The following KITLG variants were observed in gnomAD, a reference collection of about 807,000 sequenced individuals.
The protein encoded by KITLG is c-Kit ligand.
A neutral mutation model predicts 34.1 loss-of-function variants in KITLG; 13 were observed. The observed-to-expected ratio is 0.38, with a 90% CI of 0.25 to 0.61. The LOEUF (loss-of-function observed/expected upper bound fraction) is 0.61. Among genes scored for constraint, KITLG ranks in the 20% least tolerant of loss-of-function variants. The pLI is 0.60. For missense variants in KITLG, 292 were observed against 318.9 expected (o/e 0.92, Z 0.64); for synonymous variants, 110 against 104.0 (o/e 1.06, Z -0.35).
intron 1 of KITLG, among the ~76,000 whole-genome samples, chr12:88,562,778 C>T (rs545087174): frequency 1.3e-4 from 20 of 152,188 alleles, no homozygotes; most frequent in Non-Finnish European, 2.6e-4. Flanking sequence ...GCAGGGACAA[C>T]GTAAATAGAC....
At chr12:88,533,773 A>G (rs752451644) in intron 2 of KITLG, among the ~76,000 whole-genome samples, 2 of 152,106 alleles carry the variant, frequency 1.3e-5, no homozygotes, top group Non-Finnish European at 2.9e-5. Flanking sequence ...AGTTTACCAT[A>G]ACATTTTCTG....
chr12:88,555,095 G>A (rs7312974), intron 1 of KITLG, among the ~76,000 whole-genome samples: 100,645 of 151,998 alleles, frequency 0.66, 36,906 homozygotes, highest in Middle Eastern at 0.86. Context: ...CTAGAAAGAA[G>A]TTGCTTAATA....
chr12:88,534,843 A>G (rs1870250090), intron 2 of KITLG: 1 of 355,260 alleles, frequency 2.8e-6, no homozygotes. Flanking sequence ...TTGAAAGGAA[A>G]AAGCGTCTAG....
Position 88,493,674 on chromosome 12 carries a change from G to A in KITLG, c.*3545C>T, listed in dbSNP as rs1052788788. 19 of 151,900 alleles carry A rather than the reference G, an allele frequency of 1.3e-4. No homozygotes were observed. The highest frequency in any genetic ancestry group is 4.3e-4 in the African/African-American group (18 of 41,510). The allele number at this position is 151,900 out of a possible 1,614,324, so 9.4% of individuals were successfully genotyped here. A position where few individuals can be genotyped will look rare whatever the true frequency, so the allele number is the denominator to read the frequency against. ...ATCTTTTGGCATTCAAAACCTTCAT[G>A]AGCATTTTACATTTTCTGCTCTTAG... On this transcript the variant is annotated 3_prime_UTR_variant, in exon 10 of 10. Transcript: ENST00000644744.
At chr12:88,537,916 G>A (rs1317240544) in intron 2 of KITLG, among the ~76,000 whole-genome samples, 1 of 152,150 alleles carries the variant, frequency 6.6e-6, no homozygotes, top group Non-Finnish European at 1.5e-5. Flanking sequence ...CACAGGTTCT[G>A]GAGACAGACC....
intron 1 of KITLG, among the ~76,000 whole-genome samples, chr12:88,559,211 T>C (rs1871210699): frequency 6.6e-6 from 1 of 152,248 alleles, no homozygotes; most frequent in South Asian, 2.1e-4. Context: ...ACTCCATTTA[T>C]CAGACGCCCT....
At chr12:88,500,189 C>T (rs1868795767) in intron 9 of KITLG, among the ~76,000 whole-genome samples, 1 of 152,206 alleles carries the variant, frequency 6.6e-6, no homozygotes, top group Non-Finnish European at 1.5e-5. Flanking sequence ...TTAGTTTACG[C>T]CATGTGCTCA....
chr12:88,524,286 T>A (rs1435835034), intron 3 of KITLG, among the ~76,000 whole-genome samples: 1 of 152,208 alleles, frequency 6.6e-6, no homozygotes, highest in African/African-American at 2.4e-5. Context: ...GAAAAGTCAA[T>A]AATATCACCC....
chr12:88,504,975 T>TG (rs1868999812), intron 9 of KITLG, among the ~76,000 whole-genome samples, 184 bp downstream of exon 9: 1 of 56,636 alleles, frequency 1.8e-5, no homozygotes, highest in Non-Finnish European at 3.3e-5. Flanking sequence ...TGTCATGGGG[T>TG]GGGGGGAGGG....
At chr12:88,564,507 C>T (rs894570303) in intron 1 of KITLG, among the ~76,000 whole-genome samples, 8 of 152,122 alleles carry the variant, frequency 5.3e-5, no homozygotes, top group South Asian at 2.1e-4. Context: ...AGATGTACTT[C>T]GGCTGCTGTA....
Position 88,580,247 on chromosome 12 carries a change from G to A in KITLG, c.15+17C>T, listed in dbSNP as rs919652931. 19 of 1,605,800 alleles carry A rather than the reference G, an allele frequency of 1.2e-5. No homozygotes were observed. Among genetic ancestry groups the A allele is most frequent in the Non-Finnish European group, 1.6e-5 (19 of 1,176,258 alleles). ...TTTCCTGGAGAGCCTGGGAGCTCCC[G>A]GGCGCGCCCTACTCACTTGTGTCTT... On this transcript the variant is annotated intron_variant, in intron 1 of 9. Coordinates refer to ENST00000644744, the MANE Select transcript of KITLG (RefSeq NM_000899.5).
At chr12:88,515,802 A>C (rs1210699814) in intron 5 of KITLG, among the ~76,000 whole-genome samples, 185 bp from the exon 6 acceptor site, 1 of 151,770 alleles carries the variant, frequency 6.6e-6, no homozygotes, top group Admixed American at 6.6e-5. Context: ...CACCATTATC[A>C]CCTTGTAGAA....
chr12:88,507,898 G>A (rs924323764), intron 6 of KITLG, among the ~76,000 whole-genome samples: 3 of 152,014 alleles, frequency 2.0e-5, no homozygotes, highest in African/African-American at 7.2e-5. Context: ...AATGATTCAT[G>A]AATTTAGGTT....
chr12:88,520,495 A>G (rs1280070008), intron 3 of KITLG, among the ~76,000 whole-genome samples: 1 of 152,216 alleles, frequency 6.6e-6, no homozygotes, highest in Non-Finnish European at 1.5e-5. Flanking sequence ...GAAATTGTGC[A>G]AATTTTTCTA....
At chr12:88,579,245 C>A (rs1411751894) in intron 1 of KITLG, among the ~76,000 whole-genome samples, 1 of 152,196 alleles carries the variant, frequency 6.6e-6, no homozygotes, top group Non-Finnish European at 1.5e-5. Flanking sequence ...CCTTTTTCCC[C>A]ACCACTTCCA....
intron 2 of KITLG, among the ~76,000 whole-genome samples, chr12:88,535,309 T>G (rs528406484): frequency 2.0e-5 from 3 of 152,322 alleles, no homozygotes; most frequent in Non-Finnish European, 4.4e-5. Flanking sequence ...TAAGCTGATT[T>G]ACTGATATTC....
At chr12:88,567,643 A>T (rs1871488356) in intron 1 of KITLG, among the ~76,000 whole-genome samples, 1 of 152,226 alleles carries the variant, frequency 6.6e-6, no homozygotes, top group Non-Finnish European at 1.5e-5. Flanking sequence ...AAGTTATTAA[A>T]TTCAACACAT....
At chr12:88,575,703 C>G (rs1169157173) in intron 1 of KITLG, among the ~76,000 whole-genome samples, 1 of 152,090 alleles carries the variant, frequency 6.6e-6, no homozygotes, top group African/African-American at 2.4e-5. Flanking sequence ...AGACCAAGAA[C>G]AGTGTGTAAG....
chr12:88,566,953 T>C (rs1592587919), intron 1 of KITLG, among the ~76,000 whole-genome samples: 1 of 152,200 alleles, frequency 6.6e-6, no homozygotes, highest in Non-Finnish European at 1.5e-5. Flanking sequence ...TCTCCTGCGC[T>C]GTCAGTAAGT....
Sources: gnomAD v4.1 joint callset for allele counts (sites outside exome capture counted in the v4.1 genomes callset) on GRCh38, gnomAD v4.1.1 for gene constraint, MANE v1.5 for transcripts, NCBI Gene and HGNC (gene_info 2026-07-23, HGNC 2026-07-21) for gene names.